Variants in TAF2 observed in about 807,000 individuals in gnomAD.
TAF2 encodes TATA-box binding protein associated factor 2.
TAF2 carries 61 observed loss-of-function variants against 138.5 expected under a neutral mutation model. The observed-to-expected ratio is 0.44, with a 90% CI of 0.36 to 0.54. The LOEUF (loss-of-function observed/expected upper bound fraction) is 0.54, where lower values mean the gene tolerates loss of function less well. Ranked by LOEUF, TAF2 falls within the 20% of genes least tolerant of loss-of-function variation. TAF2 has a pLI of 0.00. For missense variants in TAF2, 1,090 were observed against 1,427.9 expected (o/e 0.76, Z 3.81); for synonymous variants, 475 against 469.9 (o/e 1.01, Z -0.14).
intron 3 of TAF2, among the ~76,000 whole-genome samples, chr8:119,813,183 T>C (rs1053533419): frequency 2.6e-5 from 4 of 152,246 alleles, no homozygotes; most frequent in African/African-American, 9.6e-5. Flanking sequence ...TTAATTTGTA[T>C]TTCCCTGATC....
intron 3 of TAF2, among the ~76,000 whole-genome samples, chr8:119,813,960 T>TA (rs1338606188): frequency 2.0e-5 from 3 of 151,404 alleles, no homozygotes; most frequent in African/African-American, 4.9e-5. Context: ...CAGTAAAAAA[T>TA]AAAAAATTAA....
rs556771261 is a variant in TAF2 at position 119,797,064 on chromosome 8, T to G, written c.1017A>C (p.Thr339=). 1 of 1,613,318 alleles carries G rather than the reference T, an allele frequency of 6.2e-7. No individual in the cohort carries two copies. Among genetic ancestry groups the G allele is most frequent in the East Asian group, 2.2e-5 (1 of 44,782 alleles). ...LLHSAMIIDE[T]PLTRRCLAQS... The stretch of plus-strand genomic sequence containing the variant: ...GGGCTAAACACCTTCTAGTCAAAGG[T>G]GTCTCATCTATAATCATGGCACTGT... The change falls in exon 8 of 26, where the codon ACA becomes ACC. Residue 339 remains threonine (T), a synonymous_variant. Coordinates refer to ENST00000378164, the MANE Select transcript of TAF2 (RefSeq NM_003184.4).
At chr8:119,789,815 T>A in intron 11 of TAF2, 69 bp from the exon 12 acceptor site, 1 of 1,451,526 alleles carries the variant, frequency 6.9e-7, no homozygotes, top group Non-Finnish European at 9.5e-7. Flanking sequence ...ATACTCACTT[T>A]GCATTATAAC....
intron 6 of TAF2, among the ~76,000 whole-genome samples, chr8:119,800,005 T>C (rs187892270): frequency 1.3e-4 from 20 of 152,336 alleles, no homozygotes; most frequent in Admixed American, 1.2e-3. Context: ...GGTTGTTTTT[T>C]TCTTGTAAAT....
At chr8:119,803,748 T>A in intron 5 of TAF2, 130 bp downstream of exon 5, 1 of 963,532 alleles carries the variant, frequency 1.0e-6, no homozygotes, top group Non-Finnish European at 1.5e-6. Context: ...CAGAAAGTAA[T>A]TTGAAAGAAG....
At chr8:119,738,359 T>G (rs1587643624) in intron 25 of TAF2, among the ~76,000 whole-genome samples, 1 of 152,238 alleles carries the variant, frequency 6.6e-6, no homozygotes, top group Non-Finnish European at 1.5e-5. Flanking sequence ...TACCATCCCT[T>G]GATACAAACA....
Position 119,778,118 on chromosome 8 carries a change from A to C in TAF2, c.2265T>G (p.Val755=), listed in dbSNP as rs893786988. ...QSYFLQKTMP[V]AMALLRDVHN... ...GAACATCTCTTAATAAAGCCATTGC[A>C]ACTGGCATAGTCTACAAAAGAAAAA... The change falls in exon 18 of 26, where the codon GTT becomes GTG. Residue 755 remains valine, a synonymous_variant. Coordinates refer to ENST00000378164, the MANE Select transcript of TAF2 (RefSeq NM_003184.4). 2 of 1,600,174 alleles carry C rather than the reference A, an allele frequency of 1.2e-6. No homozygotes were observed. Among genetic ancestry groups the C allele is most frequent in the Non-Finnish European group, 1.7e-6 (2 of 1,170,074 alleles).
chr8:119,789,969 T>C (rs1823303697), intron 11 of TAF2, among the ~76,000 whole-genome samples: 1 of 152,102 alleles, frequency 6.6e-6, no homozygotes, highest in Non-Finnish European at 1.5e-5. Context: ...TGAATGTTAA[T>C]GATGTACTGA....
intron 15 of TAF2, 92 bp from the exon 16 acceptor site, chr8:119,783,725 T>C: frequency 6.8e-7 from 1 of 1,463,506 alleles, no homozygotes; most frequent in Non-Finnish European, 9.2e-7. Context: ...ATTTACCAGG[T>C]TTCCTTTTAG....
chr8:119,742,406 T>TA (rs1819656630), intron 25 of TAF2, 128 bp downstream of exon 25: 2 of 1,224,662 alleles, frequency 1.6e-6, no homozygotes, highest in South Asian at 2.9e-5. Context: ...GCTCAATGTA[T>TA]TACAAGAAAA....
At chr8:119,806,209 TC>T in intron 4 of TAF2, 73 bp downstream of exon 4, 1 of 1,250,500 alleles carries the variant, frequency 8.0e-7, no homozygotes, top group Non-Finnish European at 1.2e-6. Flanking sequence ...CATCATTAGT[TC>T]TCATGTAAAA....
chr8:119,806,144 C>A, intron 4 of TAF2, 139 bp downstream of exon 4: 6 of 760,862 alleles, frequency 7.9e-6, no homozygotes, highest in Non-Finnish European at 1.4e-5. Flanking sequence ...TTAGGTGATC[C>A]ACCCGCCTCA....
At chr8:119,745,795 ATGTGTGTGTGTGTGTGTGTGTGTG>A (rs58444614) in intron 23 of TAF2, among the ~76,000 whole-genome samples, 1 of 143,468 alleles carries the variant, frequency 7.0e-6, no homozygotes, top group Non-Finnish European at 1.5e-5. Context: ...AGGCAAACGA[ATGTGTGTGTGTGTGTGTGTGTGTG>A]TGTGTGTGTG....
intron 14 of TAF2, 104 bp downstream of exon 14, chr8:119,788,234 T>C: frequency 5.1e-6 from 5 of 973,620 alleles, no homozygotes; most frequent in East Asian, 5.2e-5. Flanking sequence ...ACTTAAAGTA[T>C]AATTTAAAAA....
At chr8:119,800,644 TA>T (rs1824190583) in intron 6 of TAF2, among the ~76,000 whole-genome samples, 1 of 152,204 alleles carries the variant, frequency 6.6e-6, no homozygotes, top group South Asian at 2.1e-4. Context: ...GATAAACCTT[TA>T]AAAAGAGTCA....
chr8:119,766,943 C>T (rs1195724354), intron 18 of TAF2: 1 of 152,172 alleles, frequency 6.6e-6, no homozygotes. Flanking sequence ...CTCTCAAAAT[C>T]ATTTAAAAAA....
chr8:119,737,578 G>A (rs1225184690), intron 25 of TAF2, among the ~76,000 whole-genome samples: 1 of 143,300 alleles, frequency 7.0e-6, no homozygotes, highest in Non-Finnish European at 1.5e-5. Flanking sequence ...GCATGATTTT[G>A]GCTTACTACA....
intron 6 of TAF2, among the ~76,000 whole-genome samples, chr8:119,799,330 C>G (rs994759821): frequency 6.6e-6 from 1 of 151,862 alleles, no homozygotes; most frequent in African/African-American, 2.4e-5. Flanking sequence ...CGACAGGCCC[C>G]GGTGTGTGAT....
At chr8:119,814,380 T>C (rs1164808878) in intron 3 of TAF2, among the ~76,000 whole-genome samples, 2 of 151,976 alleles carry the variant, frequency 1.3e-5, no homozygotes, top group East Asian at 3.9e-4. Context: ...TTATGTGACA[T>C]TAATGAAATA....
Sources: allele counts gnomAD v4.1 joint callset (sites outside exome capture counted in the v4.1 genomes callset), GRCh38; gene constraint gnomAD v4.1.1; transcripts MANE v1.5; gene names NCBI Gene and HGNC (gene_info 2026-07-23, HGNC 2026-07-21).